Variants in TLL1 observed in about 807,000 individuals in gnomAD.
TLL1 encodes the protein tolloid-like protein 1.
In TLL1, 49 loss-of-function variants were observed where a neutral mutation model predicts 128.2. The observed-to-expected ratio is 0.38, with a 90% CI of 0.30 to 0.48. TLL1 has a LOEUF of 0.48. TLL1 is among the 20% of genes least tolerant of loss of function. The pLI, the probability that TLL1 is intolerant of heterozygous loss-of-function variation, is 0.96. For missense variants in TLL1, 1,123 were observed against 1,242.0 expected (o/e 0.90, Z 1.44); for synonymous variants, 454 against 418.8 (o/e 1.08, Z -1.03).
At chr4:166,024,039 T>C (rs1738372998) in intron 8 of TLL1, among the ~76,000 whole-genome samples, 1 of 152,184 alleles carries the variant, frequency 6.6e-6, no homozygotes, top group Non-Finnish European at 1.5e-5. Context: ...CTAAGACTTC[T>C]TTTAACCTTA....
intron 12 of TLL1, chr4:166,044,277 C>A: frequency 9.6e-7 from 1 of 1,041,750 alleles, no homozygotes; most frequent in Non-Finnish European, 1.4e-6. Context: ...GTCATGAGCC[C>A]TACTACCCAG....
intron 1 of TLL1, among the ~76,000 whole-genome samples, chr4:165,927,852 G>T (rs1261650595): frequency 6.6e-6 from 1 of 152,154 alleles, no homozygotes; most frequent in Non-Finnish European, 1.5e-5. Flanking sequence ...GTAGGGCTGA[G>T]GTTGAGACCT....
At chr4:165,886,693 C>G (rs1446727567) in intron 1 of TLL1, among the ~76,000 whole-genome samples, 2 of 152,114 alleles carry the variant, frequency 1.3e-5, no homozygotes, top group Non-Finnish European at 2.9e-5. Context: ...CCATATAACA[C>G]TTAATACAAT....
At chr4:165,895,665 C>T (rs999324481) in intron 1 of TLL1, among the ~76,000 whole-genome samples, 1 of 91,450 alleles carries the variant, frequency 1.1e-5, no homozygotes, top group South Asian at 3.2e-4. Context: ...AAAAAAAAGA[C>T]ACTGTAATTC....
At chr4:165,905,194 A>G (rs1267250463) in intron 1 of TLL1, among the ~76,000 whole-genome samples, 1 of 152,218 alleles carries the variant, frequency 6.6e-6, no homozygotes, top group African/African-American at 2.4e-5. Flanking sequence ...CGATCCAGCT[A>G]TCCCATTCGT....
chr4:166,085,734 GT>G (rs1192749477), intron 18 of TLL1, among the ~76,000 whole-genome samples: 1 of 152,034 alleles, frequency 6.6e-6, no homozygotes, highest in South Asian at 2.1e-4. Flanking sequence ...TGGTCTTCAG[GT>G]TTTTTGTTGC....
Position 165,884,714 on chromosome 4 carries a change from T to TA in TLL1, c.169+10643dup, listed in dbSNP as rs1267997667. 2.0e-5 allele frequency among the ~76,000 whole-genome samples: 3 copies of TA among 152,178 alleles called. No individual in the cohort carries two copies. The East Asian group carries it at 5.8e-4, about 29-fold the overall frequency. ...AGCCAGGCATGGTGGTGAGTATCTGTAATCCCAGCTACTCTGGAGGCTGAT... is the reference window on the plus strand; with the variant it reads ...AGCCAGGCATGGTGGTGAGTATCTGTAAATCCCAGCTACTCTGGAGGCTGAT... On this transcript the variant is annotated intron_variant, in intron 1 of 20. Coordinates refer to ENST00000061240, the MANE Select transcript of TLL1 (RefSeq NM_012464.5).
At chr4:166,052,961 A>ATGTGTGTG (rs139204407) in intron 12 of TLL1, among the ~76,000 whole-genome samples, 11 of 109,088 alleles carry the variant, frequency 1.0e-4, no homozygotes, top group African/African-American at 4.4e-4. Flanking sequence ...ATAAGAGGTT[A>ATGTGTGTG]TGTGTATATA....
intron 7 of TLL1, among the ~76,000 whole-genome samples, chr4:166,011,518 A>AT (rs1737696363): frequency 1.3e-5 from 2 of 151,412 alleles, no homozygotes; most frequent in African/African-American, 4.8e-5. Flanking sequence ...GTTCTAACGG[A>AT]TTTTGTGTGT....
intron 19 of TLL1, among the ~76,000 whole-genome samples, chr4:166,097,174 G>T (rs577140116): frequency 1.3e-5 from 2 of 152,208 alleles, no homozygotes; most frequent in East Asian, 1.9e-4. Flanking sequence ...AACAGAGCCA[G>T]ATTTGCACCT....
At chr4:165,890,385 C>T (rs1731345223) in intron 1 of TLL1, among the ~76,000 whole-genome samples, 1 of 152,290 alleles carries the variant, frequency 6.6e-6, no homozygotes, top group East Asian at 1.9e-4. Context: ...CTCAAAAGTC[C>T]ACATTCCAAA....
intron 1 of TLL1, among the ~76,000 whole-genome samples, chr4:165,943,695 A>C (rs1055624824): frequency 6.6e-6 from 1 of 152,074 alleles, no homozygotes; most frequent in Non-Finnish European, 1.5e-5. Context: ...TACTGACCTC[A>C]TCACTTAAAG....
At chr4:166,042,256 C>T in intron 11 of TLL1, 113 bp downstream of exon 11, 2 of 771,160 alleles carry the variant, frequency 2.6e-6, no homozygotes, top group Non-Finnish European at 4.5e-6. Flanking sequence ...ATGAATTTTT[C>T]TGAATCTGTA....
chr4:165,984,803 A>G (rs1736327297), intron 1 of TLL1, among the ~76,000 whole-genome samples: 1 of 152,006 alleles, frequency 6.6e-6, no homozygotes, highest in African/African-American at 2.4e-5. Context: ...ATATGTCACT[A>G]AAATCAAAAA....
chr4:165,994,671 T>A, intron 4 of TLL1, 138 bp downstream of exon 4: 1 of 995,536 alleles, frequency 1.0e-6, no homozygotes, highest in Non-Finnish European at 1.5e-6. Context: ...TAACTTAGGT[T>A]ATTAGTGTAG....
intron 1 of TLL1, among the ~76,000 whole-genome samples, chr4:165,947,427 G>A (rs1734308150): frequency 6.6e-6 from 1 of 152,028 alleles, no homozygotes; most frequent in Non-Finnish European, 1.5e-5. Flanking sequence ...TCTTCTTGCA[G>A]CTTATAGAAA....
At chr4:166,048,797 T>C (rs1045008690) in intron 12 of TLL1, among the ~76,000 whole-genome samples, 1 of 152,174 alleles carries the variant, frequency 6.6e-6, no homozygotes, top group African/African-American at 2.4e-5. Context: ...GTATTAAGTT[T>C]GAGGTACTTG....
chr4:165,880,142 A>C (rs1279336788), intron 1 of TLL1, among the ~76,000 whole-genome samples: 8 of 152,176 alleles, frequency 5.3e-5, no homozygotes, highest in Non-Finnish European at 1.5e-5. Flanking sequence ...GCAGGAGGAG[A>C]GAATCCCTTG....
chr4:165,893,118 T>C (rs575821748), intron 1 of TLL1, among the ~76,000 whole-genome samples: 1 of 152,354 alleles, frequency 6.6e-6, no homozygotes, highest in Non-Finnish European at 1.5e-5. Flanking sequence ...ATTGAGTGTT[T>C]GCTACTTAAA....
Sources: gnomAD v4.1 joint callset for allele counts (sites outside exome capture counted in the v4.1 genomes callset) on GRCh38, gnomAD v4.1.1 for gene constraint, MANE v1.5 for transcripts, NCBI Gene and HGNC (gene_info 2026-07-23, HGNC 2026-07-21) for gene names.